The following LRRC24 variants were observed in gnomAD, a reference collection of about 807,000 sequenced individuals.
The protein encoded by LRRC24 is leucine rich repeat containing 24, also known as leucine-rich repeat-containing protein 24.
LRRC24 carries 19 observed loss-of-function variants against 15.3 expected under a neutral mutation model. That is an observed-to-expected ratio of 1.25 (90% CI 0.87 to 1.83). The LOEUF (loss-of-function observed/expected upper bound fraction) is 1.83, where lower values mean the gene tolerates loss of function less well. Among genes scored for constraint, LRRC24 ranks in the 40% most tolerant of loss-of-function variants. The probability of loss-of-function intolerance (pLI) is 0.00; values close to 1 mark genes in which losing one functional copy is unlikely to be tolerated. For missense variants in LRRC24, 914 were observed against 723.9 expected, an observed-to-expected ratio of 1.26 and a Z score of -3.01; for synonymous variants, 469 against 359.6, an observed-to-expected ratio of 1.30 and a Z score of -3.44.
Position 144,523,132 on chromosome 8 carries a change from C to T in LRRC24, c.885G>A (p.Lys295=). 1.2e-6 allele frequency: 2 copies of T among 1,610,660 alleles called. No individual in the cohort carries two copies. Among genetic ancestry groups the T allele is most frequent in the Non-Finnish European group, 1.7e-6 (2 of 1,179,524 alleles). Residue 295 remains lysine (K), a synonymous_variant, in exon 5 of 5, where the codon AAG becomes AAA. Coordinates refer to ENST00000529415, the MANE Select transcript of LRRC24 (RefSeq NM_001024678.4). ...GYPQPLVTWR[K]VPQPREGRPR... Reference sequence around the variant, plus strand: ...GCCGGCCCTCGCGAGGCTGGGGCACCTTTCTCCAGGTCACCAATGGCTGCG... The same window carrying T: ...GCCGGCCCTCGCGAGGCTGGGGCACTTTTCTCCAGGTCACCAATGGCTGCG...
rs1362640649 is a variant in LRRC24 at position 144,522,631 on chromosome 8, G to A, written c.1386C>T (p.Leu462=). Residue 462 remains leucine, a synonymous_variant, in exon 5 of 5, where the codon CTC becomes CTT. Transcript: ENST00000529415. ...GPCTFAQLEE[L]RDERGHEMFV... ...ACATCTCGTGGCCGCGCTCGTCGCG[G>A]AGCTCCTCTAGCTGTGCGAACGTAC... The A allele has an allele frequency of 6.3e-7, 1 of 1,578,178 alleles. No homozygotes were observed. The highest frequency in any genetic ancestry group is 8.6e-7 in the Non-Finnish European group (1 of 1,164,586).
chr8:144,524,687 G>A lies in LRRC24; in HGVS notation c.192C>T (p.Arg64=). Residue 64 remains arginine, a synonymous_variant, in exon 3 of 5, where the codon CGC becomes CGT. Coordinates refer to ENST00000529415, the MANE Select transcript of LRRC24 (RefSeq NM_001024678.4). Reference sequence around the variant, plus strand: ...GTGGCGCCAGGGCTCCCGGCTCTAGGCGGGCGATGTTGTTGTCCTGCAGGA... The same window carrying A: ...GTGGCGCCAGGGCTCCCGGCTCTAGACGGGCGATGTTGTTGTCCTGCAGGA... The part of the protein sequence containing the change: ...TLFLQDNNIA[R]LEPGALAPLA... 1 of 1,472,594 alleles carries A rather than the reference G, an allele frequency of 6.8e-7. No homozygotes were observed. The highest frequency in any genetic ancestry group is 8.9e-7 in the Non-Finnish European group (1 of 1,122,744). The allele number at this position is 1,472,594 out of a possible 1,614,324, so 91.2% of individuals were successfully genotyped here.
intron 4 of LRRC24, 166 bp from the exon 5 acceptor site, chr8:144,523,575 G>A: frequency 8.7e-7 from 1 of 1,152,734 alleles, no homozygotes; most frequent in South Asian, 2.3e-5. Flanking sequence ...GCTCCTTGGG[G>A]CGGCAGGCCC....
Position 144,522,448 on chromosome 8 carries a change from GC to G in LRRC24, c.*26del. 2.2e-6 allele frequency: 3 copies of G among 1,392,676 alleles called. No homozygotes were observed. Among genetic ancestry groups the G allele is most frequent in the Non-Finnish European group, 1.8e-6 (2 of 1,082,174 alleles). 86.3% of individuals were successfully genotyped at this position (1,392,676 alleles called of 1,614,324 possible). A position where few individuals can be genotyped will look rare whatever the true frequency, so the allele number is the denominator to read the frequency against. On this transcript the variant is annotated 3_prime_UTR_variant, in exon 5 of 5. Transcript: ENST00000529415. The stretch of plus-strand genomic sequence containing the variant: ...GAGGCCGCACCGGCCAATCTCCGGC[GC>G]CCACGTCATCCGCGCGCCCGCGGCC...
At chr8:144,523,679 T>G in intron 4 of LRRC24, 1 of 448,962 alleles carries the variant, frequency 2.2e-6, no homozygotes, top group South Asian at 5.9e-5. Context: ...GCTCCTTAAG[T>G]CTTCCTGCAA....
intron 1 of LRRC24, chr8:144,526,748 G>A (rs886615592): frequency 6.6e-6 from 1 of 152,296 alleles, no homozygotes; most frequent in African/African-American, 2.4e-5. Flanking sequence ...CTGCAGCGCT[G>A]CGACCTGGTG....
At position 144,524,935 on chromosome 8, in the gene LRRC24, G is replaced by GCAGCAGCAGCGGCAGCAGTGC. The variant is rs1231866189; in HGVS notation, c.19_39dup (p.Ala7_Leu13dup). On this transcript the variant is annotated inframe_insertion, in exon 2 of 5. Transcript: ENST00000529415. ...CCGGCGGCGCGGAGCGGCAGTAGTA[G>GCAGCAGCAGCGGCAGCAGTGC]CAGCAGCAGCGGCAGCAGTGCGGGG... 1.3e-6 allele frequency: 2 copies of GCAGCAGCAGCGGCAGCAGTGC among 1,508,298 alleles called. No homozygotes were observed. Among genetic ancestry groups the GCAGCAGCAGCGGCAGCAGTGC allele is most frequent in the Non-Finnish European group, 1.8e-6 (2 of 1,129,778 alleles). The allele number at this position is 1,508,298 out of a possible 1,614,324, so 93.4% of individuals were successfully genotyped here.
rs930279955 is a variant in LRRC24 at position 144,524,613 on chromosome 8, A to G, written c.266T>C (p.Leu89Pro). The change falls in exon 3 of 5, where the codon CTG becomes CCG. Residue 89 changes from leucine to proline, a missense_variant. Leu to Pro is a moderately conservative substitution (Grantham distance 98). Transcript: ENST00000529415. ...LYLHNNSLRA[L>P]EAGAFRAQPR... Reference sequence around the variant, plus strand: ...CTGCGCGCGGAAGGCGCCGGCCTCCAGGGCGCGCAGGCTGTTGTTGTGCAG... The same window carrying G: ...CTGCGCGCGGAAGGCGCCGGCCTCCGGGGCGCGCAGGCTGTTGTTGTGCAG... 1.3e-6 allele frequency: 2 copies of G among 1,523,874 alleles called. No homozygotes were observed. Among genetic ancestry groups the G allele is most frequent in the East Asian group, 2.5e-5 (1 of 40,324 alleles). 94.4% of individuals were successfully genotyped at this position (1,523,874 alleles called of 1,614,324 possible).
Position 144,524,702 on chromosome 8 carries a change from G to A in LRRC24, c.177C>T (p.Asp59=). 6.8e-7 allele frequency: 1 copy of A among 1,463,292 alleles called. No homozygotes were observed. Among genetic ancestry groups the A allele is most frequent in the Non-Finnish European group, 8.9e-7 (1 of 1,117,352 alleles). The allele number at this position is 1,463,292 out of a possible 1,614,324, so 90.6% of individuals were successfully genotyped here. Residue 59 remains aspartate (D), a synonymous_variant, in exon 3 of 5, where the codon GAC becomes GAT. Transcript: ENST00000529415. The part of the protein sequence containing the change: ...PPGTQTLFLQ[D]NNIARLEPGA... ...CCGGCTCTAGGCGGGCGATGTTGTT[G>A]TCCTGCAGGAACAGTGTCTGCAGGC...
chr8:144,524,353 G>T, intron 3 of LRRC24, 75 bp from the exon 4 acceptor site: 2 of 1,595,866 alleles, frequency 1.3e-6, no homozygotes, highest in Non-Finnish European at 1.7e-6. Flanking sequence ...TACCAAGCTA[G>T]ACTGGGTTGC....
rs200030559 is a variant in LRRC24 at position 144,523,371 on chromosome 8, C to T, written c.646G>A (p.Gly216Ser). 1.3e-6 allele frequency: 2 copies of T among 1,569,820 alleles called. No homozygotes were observed. The highest frequency in any genetic ancestry group is 1.4e-5 in the African/African-American group (1 of 73,804). Residue 216 changes from glycine (G) to serine (S), a missense_variant, in exon 5 of 5, where the codon GGT becomes AGT. Physicochemically the swap from Gly to Ser is moderately conservative, Grantham distance 56 (BLOSUM62 0). Coordinates refer to ENST00000529415, the MANE Select transcript of LRRC24 (RefSeq NM_001024678.4). ...TGGCCGCCCTCCTTGATCCAGGCACCCAGCCAGTGCAGGGCGCAGTCACAG... is the reference window on the plus strand; with the variant it reads ...TGGCCGCCCTCCTTGATCCAGGCACTCAGCCAGTGCAGGGCGCAGTCACAG... ...WRCDCALHWL[G>S]AWIKEGGQRL...
Position 144,524,129 on chromosome 8 carries a change from C to T in LRRC24, c.588G>A (p.Leu196=). 1 of 1,603,786 alleles carries T rather than the reference C, an allele frequency of 6.2e-7. No individual in the cohort carries two copies. The highest frequency in any genetic ancestry group is 1.1e-5 in the South Asian group (1 of 90,920). The change falls in exon 4 of 5, where the codon CTG becomes CTA. Residue 196 remains leucine, a synonymous_variant. Coordinates refer to ENST00000529415, the MANE Select transcript of LRRC24 (RefSeq NM_001024678.4). ...SREALQPLAS[L]QVLRLTENPW... ...AGGTACCTGTGAGGCGCAGGACTTG[C>T]AGACTGGCCAGGGGCTGCAGGGCCT...
chr8:144,522,656 C>G lies in LRRC24; in HGVS notation c.1361G>C (p.Cys454Ser). The change falls in exon 5 of 5, where the codon TGT becomes TCT. Residue 454 changes from cysteine (C) to serine (S), a missense_variant. Cys to Ser is a moderately radical substitution (Grantham distance 112). Coordinates refer to ENST00000529415, the MANE Select transcript of LRRC24 (RefSeq NM_001024678.4). ...GAGCTCCTCTAGCTGTGCGAACGTACAGGGGCCGTCCAAGTAGTCGTTGAC... is the reference window on the plus strand; with the variant it reads ...GAGCTCCTCTAGCTGTGCGAACGTAGAGGGGCCGTCCAAGTAGTCGTTGAC... Reference protein sequence around the residue: ...LFVNDYLDGPCTFAQLEELRD... With the variant: ...LFVNDYLDGPSTFAQLEELRD... 2 of 1,591,466 alleles carry G rather than the reference C, an allele frequency of 1.3e-6. No individual in the cohort carries two copies. Among genetic ancestry groups the G allele is most frequent in the Non-Finnish European group, 1.7e-6 (2 of 1,170,606 alleles).
chr8:144,526,039 A>G (rs1293173780), intron 1 of LRRC24: 1 of 152,142 alleles, frequency 6.6e-6, no homozygotes, highest in Non-Finnish European at 1.5e-5. Flanking sequence ...GCCAGGGAAA[A>G]CAGGGCTGCA....
Position 144,525,001 on chromosome 8 carries a change from C to A in LRRC24, c.-27G>T. The A allele has an allele frequency of 7.0e-7, 1 of 1,422,924 alleles. No homozygotes were observed. Among genetic ancestry groups the A allele is most frequent in the South Asian group, 1.5e-5 (1 of 68,334 alleles). 88.1% of individuals were successfully genotyped at this position (1,422,924 alleles called of 1,614,324 possible). On this transcript the variant is annotated 5_prime_UTR_variant, in exon 2 of 5. Transcript: ENST00000529415. ...TCCCGAGGCCCGGTTCCTCACCGGC[C>A]CTTCCGCGGTTCAGCCGCAGACGCG...
At position 144,522,452 on chromosome 8, in the gene LRRC24, A is replaced by G; in HGVS notation, c.*23T>C. ...CCGCACCGGCCAATCTCCGGCGCCC[A>G]CGTCATCCGCGCGCCCGCGGCCCTA... On this transcript the variant is annotated 3_prime_UTR_variant, in exon 5 of 5. Coordinates refer to ENST00000529415, the MANE Select transcript of LRRC24 (RefSeq NM_001024678.4). The G allele has an allele frequency of 7.2e-7, 1 of 1,394,938 alleles. No individual in the cohort carries two copies. Among genetic ancestry groups the G allele is most frequent in the Non-Finnish European group, 9.2e-7 (1 of 1,083,744 alleles). The allele number at this position is 1,394,938 out of a possible 1,614,324, so 86.4% of individuals were successfully genotyped here.
chr8:144,526,636 C>T (rs913062328), intron 1 of LRRC24: 5 of 152,276 alleles, frequency 3.3e-5, no homozygotes, highest in African/African-American at 1.2e-4. Flanking sequence ...TCCTGGGCGC[C>T]CCTCTGTGCG....
chr8:144,525,195 T>C, intron 1 of LRRC24, 162 bp from the exon 2 acceptor site: 1 of 450,546 alleles, frequency 2.2e-6, no homozygotes, highest in Non-Finnish European at 3.7e-6. Flanking sequence ...CTTAAAGCTC[T>C]GGGGCATCAG....
chr8:144,523,645 C>T (rs1055142630), intron 4 of LRRC24: 6 of 525,948 alleles, frequency 1.1e-5, no homozygotes, highest in South Asian at 5.1e-5. Flanking sequence ...GATCACTTCT[C>T]CGTCGGTCTC....
Sources: gnomAD v4.1 joint callset for allele counts on GRCh38, gnomAD v4.1.1 for gene constraint, MANE v1.5 for transcripts, NCBI Gene and HGNC (gene_info 2026-07-23, HGNC 2026-07-21) for gene names.